Variants in CSNK1E observed in about 807,000 individuals in gnomAD.
CSNK1E encodes casein kinase 1 epsilon, also known as casein kinase I isoform epsilon.
Under a neutral mutation model 46.1 loss-of-function variants are expected in CSNK1E, and 17 were observed. That is an observed-to-expected ratio of 0.37 (90% confidence interval 0.25 to 0.55). The LOEUF (loss-of-function observed/expected upper bound fraction) is 0.55, where lower values mean the gene tolerates loss of function less well. Among genes scored for constraint, CSNK1E ranks in the 20% least tolerant of loss-of-function variants. CSNK1E has a pLI of 0.82. For missense variants in CSNK1E, 386 were observed against 595.4 expected (o/e 0.65, Z 3.66); for synonymous variants, 241 against 242.6 (o/e 0.99, Z 0.06).
At chr22:38,296,647 C>T (rs774642130) in intron 7 of CSNK1E, 8 of 1,612,844 alleles carry the variant, frequency 5.0e-6, no homozygotes, top group Middle Eastern at 1.7e-4. Flanking sequence ...TCCAGGAAGG[C>T]GGTCAGACCA....
intron 9 of CSNK1E, 39 bp from the exon 10 acceptor site, chr22:38,293,358 G>C (rs367551605): frequency 1.4e-5 from 18 of 1,327,752 alleles, no homozygotes; most frequent in Non-Finnish European, 1.8e-5. Context: ...GAGGGAGAGA[G>C]AGGGAGGTAC....
intron 7 of CSNK1E, chr22:38,296,625 T>C: frequency 6.2e-7 from 1 of 1,612,822 alleles, no homozygotes; most frequent in African/African-American, 1.3e-5. Context: ...AGGGCCTGCC[T>C]CAAGAGGGAC....
At chr22:38,299,851 C>A (rs1191457418) in intron 6 of CSNK1E, 44 bp downstream of exon 6, 1 of 1,597,034 alleles carries the variant, frequency 6.3e-7, no homozygotes, top group Non-Finnish European at 8.6e-7. Flanking sequence ...TTAGACAGTG[C>A]CTCAGGGGCC....
intron 2 of CSNK1E, among the ~76,000 whole-genome samples, chr22:38,308,846 G>A (rs1289277074): frequency 1.3e-5 from 2 of 152,182 alleles, no homozygotes; most frequent in Non-Finnish European, 2.9e-5. Flanking sequence ...ACAGCAGCAG[G>A]TGCAGCGGGA....
intron 2 of CSNK1E, among the ~76,000 whole-genome samples, chr22:38,308,708 G>A (rs2092708918): frequency 6.6e-6 from 1 of 152,060 alleles, no homozygotes; most frequent in South Asian, 2.1e-4. Flanking sequence ...GTGGGAGGAG[G>A]GGAAGAGGGA....
intron 2 of CSNK1E, among the ~76,000 whole-genome samples, chr22:38,311,038 T>C (rs1249912398): frequency 1.3e-5 from 2 of 152,142 alleles, no homozygotes; most frequent in African/African-American, 4.8e-5. Flanking sequence ...CCAGTGAAGA[T>C]GGGAGAGTCA....
At chr22:38,292,908 G>A (rs931176018) in intron 10 of CSNK1E, 21 of 320,116 alleles carry the variant, frequency 6.6e-5, no homozygotes, top group Non-Finnish European at 9.5e-5. Flanking sequence ...GGCTAATGCC[G>A]TGGGAGAGGT....
chr22:38,316,029 T>G (rs1184582714), intron 1 of CSNK1E, among the ~76,000 whole-genome samples: 2 of 151,418 alleles, frequency 1.3e-5, no homozygotes, highest in African/African-American at 2.4e-5. Flanking sequence ...CCAAAAAGCC[T>G]CCCAGAGGAG....
chr22:38,304,741 A>G (rs2092690234), intron 2 of CSNK1E, among the ~76,000 whole-genome samples: 1 of 152,224 alleles, frequency 6.6e-6, no homozygotes. Context: ...GATGAATGGA[A>G]TGCAGTGCCT....
chr22:38,293,391 G>A (rs1294803087), intron 9 of CSNK1E, 72 bp from the exon 10 acceptor site: 2 of 956,424 alleles, frequency 2.1e-6, no homozygotes, highest in Non-Finnish European at 3.3e-6. Flanking sequence ...AAGTCCCTTA[G>A]CCGCTGGCGA....
chr22:38,314,525 C>T (rs117732820), intron 1 of CSNK1E, among the ~76,000 whole-genome samples: 2,765 of 152,304 alleles, frequency 0.018, 38 homozygotes, highest in South Asian at 0.045. Flanking sequence ...TTCCCAAGTA[C>T]TGCCCCTGCC....
At chr22:38,315,242 C>T (rs2092739108) in intron 1 of CSNK1E, among the ~76,000 whole-genome samples, 1 of 152,264 alleles carries the variant, frequency 6.6e-6, no homozygotes, top group Admixed American at 6.5e-5. Context: ...TGTGCTGGCA[C>T]AGAAGATCAG....
In CSNK1E at chr22:38,298,740, TC is replaced by T. The variant is rs1223109788; in HGVS notation, c.885+45del. The stretch of plus-strand genomic sequence containing the variant: ...ACTCTGGCCCTCTGAGTCAGGGCCT[TC>T]CCCATCCAGTCCCCCAAGCCCGCCT... On this transcript the variant is annotated intron_variant, in intron 7 of 10. Transcript: ENST00000396832. This position sits in a 1 kb window ranked among gnomAD's most constrained non-coding sequence, Gnocchi z 4.2. 1.9e-6 allele frequency: 3 copies of T among 1,610,368 alleles called. No homozygotes were observed. The Admixed American group carries it at 5.0e-5, about 27-fold the overall frequency.
At chr22:38,315,355 G>A (rs1203453610) in intron 1 of CSNK1E, among the ~76,000 whole-genome samples, 3 of 152,216 alleles carry the variant, frequency 2.0e-5, no homozygotes, top group Admixed American at 2.0e-4. Context: ...AGGGAACCCC[G>A]GCACCTGGCT....
chr22:38,293,670 T>C lies in CSNK1E; in HGVS notation c.1219-351A>G, dbSNP rs1335368996. Among the ~76,000 whole-genome samples, 6 of 152,218 alleles carry C rather than the reference T, an allele frequency of 3.9e-5. No individual in the cohort carries two copies. In the East Asian group the frequency reaches 1.2e-3, roughly 29 times the overall value. ...TGCCAGGCCACCTGCCCTGGGCAAC[T>C]ACAGATTCCCCCTTCCCAAGTGTCC... On this transcript the variant is annotated intron_variant, in intron 9 of 10. Coordinates refer to ENST00000396832, the MANE Select transcript of CSNK1E (RefSeq NM_152221.3).
At chr22:38,311,085 G>A (rs1457638131) in intron 2 of CSNK1E, among the ~76,000 whole-genome samples, 1 of 152,140 alleles carries the variant, frequency 6.6e-6, no homozygotes, top group Non-Finnish European at 1.5e-5. Context: ...AGACCCAGAG[G>A]ACCCAGACCC....
Position 38,294,838 on chromosome 22 carries a change from C to T in CSNK1E, c.886-304G>A, listed in dbSNP as rs1368067607. Reference sequence around the variant, plus strand: ...CTAATGCGCCCAGGATGATCAAGAGCACCTCTTGGCCCTCCTGACCTGGGG... The same window carrying T: ...CTAATGCGCCCAGGATGATCAAGAGTACCTCTTGGCCCTCCTGACCTGGGG... On this transcript the variant is annotated intron_variant, in intron 7 of 10. Transcript: ENST00000396832. The surrounding 1 kb of genome is among the most constrained non-coding windows in gnomAD (Gnocchi z 5.5). 2.0e-5 allele frequency among the ~76,000 whole-genome samples: 3 copies of T among 152,196 alleles called. No homozygotes were observed. In the East Asian group the frequency reaches 5.8e-4, roughly 29 times the overall value.
In CSNK1E at chr22:38,294,492, C is replaced by G; in HGVS notation, c.928G>C (p.Glu310Gln). The G allele has an allele frequency of 6.3e-7, 1 of 1,595,292 alleles. No homozygotes were observed. Among genetic ancestry groups the G allele is most frequent in the Non-Finnish European group, 8.5e-7 (1 of 1,172,132 alleles). ...NPEDVDRERR[E>Q]HEREERMGQL... ...CCCATCCTCTCCTCGCGTTCGTGTT[C>G]TCGCCGCTCCCGGTCCACATCCTCG... Residue 310 changes from glutamate (E) to glutamine (Q), a missense_variant, in exon 8 of 11, where the codon GAA (glutamate) becomes CAA (glutamine). Glu to Gln is a conservative substitution (Grantham distance 29). Transcript: ENST00000396832. This position sits in a 1 kb window ranked among gnomAD's most constrained non-coding sequence, Gnocchi z 5.5.
chr22:38,294,020 G>C lies in CSNK1E; in HGVS notation c.1218+89C>G. On this transcript the variant is annotated intron_variant, in intron 9 of 10. Transcript: ENST00000396832. The surrounding 1 kb of genome is among the most constrained non-coding windows in gnomAD (Gnocchi z 5.5). ...CCAAGGCAAGCAGCGTCGATGGAAA[G>C]GGAAGAACAGAGCCACGGCCTGACC... The C allele has an allele frequency of 4.1e-6, 6 of 1,462,948 alleles. No individual in the cohort carries two copies. Among genetic ancestry groups the C allele is most frequent in the Non-Finnish European group, 5.5e-6 (6 of 1,084,558 alleles). 90.6% of individuals were successfully genotyped at this position (1,462,948 alleles called of 1,614,324 possible).
Sources: gnomAD v4.1 joint callset for allele counts (sites outside exome capture counted in the v4.1 genomes callset) on GRCh38, gnomAD v4.1.1 for gene constraint, Gnocchi (gnomAD v3.1) non-coding constraint, MANE v1.5 for transcripts, NCBI Gene and HGNC (gene_info 2026-07-23, HGNC 2026-07-21) for gene names.